ARID1B: variants seen among roughly 807,000 people sequenced by gnomAD.
The protein encoded by ARID1B is AT-rich interactive domain-containing protein 1B.
In ARID1B, 30 loss-of-function variants were observed where a neutral mutation model predicts 212.3. The ratio of observed to expected loss-of-function variants is 0.14; its 90% CI spans 0.11 to 0.19. ARID1B has a LOEUF of 0.19. Ranked by LOEUF, ARID1B falls within the 10% of genes least tolerant of loss-of-function variation. ARID1B has a pLI of 1.00. For missense variants in ARID1B, 2,891 were observed against 3,204.0 expected (o/e 0.90, Z 2.36); for synonymous variants, 1,402 against 1,301.7 (o/e 1.08, Z -1.66).
chr6:157,064,441 T>C (rs1364076252), intron 4 of ARID1B, among the ~76,000 whole-genome samples: 2 of 152,238 alleles, frequency 1.3e-5, no homozygotes, highest in African/African-American at 2.4e-5. Flanking sequence ...TTTATGATGA[T>C]ACGGAAACAT....
intron 7 of ARID1B, among the ~76,000 whole-genome samples, chr6:157,146,237 A>G (rs553589928): frequency 1.3e-5 from 2 of 152,348 alleles, no homozygotes; most frequent in East Asian, 3.9e-4. Context: ...AGTGGCACCA[A>G]CAATTTTGAT....
chr6:157,170,188 A>G (rs1421355382), intron 9 of ARID1B: 2 of 152,230 alleles, frequency 1.3e-5, no homozygotes, highest in Non-Finnish European at 2.9e-5. Flanking sequence ...AGAAGCGCCA[A>G]TGTGGAGGTA....
In ARID1B at chr6:157,209,245, A is replaced by G. The variant is rs1376310495; in HGVS notation, c.*1354A>G. 1.3e-5 allele frequency: 3 copies of G among 231,946 alleles called. No individual in the cohort carries two copies. Among genetic ancestry groups the G allele is most frequent in the Admixed American group, 1.1e-4 (2 of 17,730 alleles). The allele number at this position is 231,946 out of a possible 1,614,324, so 14.4% of individuals were successfully genotyped here. ...TTCCACATGTTAAGAATAAATGTAC[A>G]TTAAATCTTGTTAAGCACTGTGATG... is the stretch of plus-strand genomic sequence containing the variant. On this transcript the variant is annotated 3_prime_UTR_variant, in exon 20 of 20. Coordinates refer to ENST00000636930, the MANE Select transcript of ARID1B (RefSeq NM_001374828.1).
At chr6:157,176,771 G>T (rs779985367) in intron 11 of ARID1B, among the ~76,000 whole-genome samples, 28 of 152,240 alleles carry the variant, frequency 1.8e-4, no homozygotes, top group South Asian at 8.3e-4. Context: ...ACTTGAACCC[G>T]AGAGGCGGAG....
chr6:156,859,820 C>T (rs1432412161), intron 2 of ARID1B, among the ~76,000 whole-genome samples: 1 of 152,218 alleles, frequency 6.6e-6, no homozygotes, highest in Non-Finnish European at 1.5e-5. Context: ...TTGGAGAGGG[C>T]ACAGAAAGAC....
At chr6:157,105,544 G>A (rs1051041823) in intron 5 of ARID1B, among the ~76,000 whole-genome samples, 1 of 152,116 alleles carries the variant, frequency 6.6e-6, no homozygotes, top group Admixed American at 6.5e-5. Flanking sequence ...TATTAAAATG[G>A]CCCTAAAATC....
intron 3 of ARID1B, among the ~76,000 whole-genome samples, chr6:156,911,983 A>C (rs1368831568): frequency 6.6e-6 from 1 of 152,280 alleles, no homozygotes; most frequent in Non-Finnish European, 1.5e-5. Context: ...ATAAATTTGT[A>C]AATAAAATAC....
chr6:156,958,219 A>G (rs756799972), intron 4 of ARID1B, among the ~76,000 whole-genome samples: 3 of 152,166 alleles, frequency 2.0e-5, no homozygotes, highest in Non-Finnish European at 4.4e-5. Flanking sequence ...GTTTTCTCCT[A>G]GTCACAGCTC....
intron 2 of ARID1B, among the ~76,000 whole-genome samples, chr6:156,880,714 T>TGGGCCAC (rs1296095059): frequency 8.5e-6 from 1 of 117,062 alleles, no homozygotes; most frequent in Non-Finnish European, 1.6e-5. Flanking sequence ...CACTCCAGCC[T>TGGGCCAC]GGGCCACGGA....
intron 18 of ARID1B, among the ~76,000 whole-genome samples, chr6:157,202,955 T>C (rs1211569871): frequency 6.6e-6 from 1 of 152,206 alleles, no homozygotes; most frequent in African/African-American, 2.4e-5. Flanking sequence ...CAGTGCGGGT[T>C]ATATAGCATT....
chr6:157,181,033 C>T lies in ARID1B; in HGVS notation c.3569C>T (p.Pro1190Leu), dbSNP rs746278639. 9 of 1,614,016 alleles carry T rather than the reference C, an allele frequency of 5.6e-6. No homozygotes were observed. The highest frequency in any genetic ancestry group is 5.9e-6 in the Non-Finnish European group (7 of 1,180,046). ...AAGGTGTACGAGCTGGGGAATGAGC[C>T]AGAGAGAAAGCTCTGGGTCGACCGA... The part of the protein sequence containing the change: ...ITKVYELGNE[P>L]ERKLWVDRYL... Residue 1190 changes from proline (P) to leucine (L), a missense_variant, in exon 12 of 20, where the codon CCA becomes CTA. Physicochemically the swap from Pro to Leu is moderately conservative, Grantham distance 98 (BLOSUM62 -3). This residue lies in a region of ARID1B where 666 missense variants were observed against 873.5 expected (regional missense o/e 0.76). Coordinates refer to ENST00000636930, the MANE Select transcript of ARID1B (RefSeq NM_001374828.1).
chr6:157,166,931 G>A lies in ARID1B; in HGVS notation c.3090-109G>A, dbSNP rs528746530. 1.6e-4 allele frequency: 226 copies of A among 1,431,330 alleles called. 1 individual carries two copies. The African/African-American group carries it at 2.8e-3, about 18-fold the overall frequency. 88.7% of individuals were successfully genotyped at this position (1,431,330 alleles called of 1,614,324 possible). A position where few individuals can be genotyped will look rare whatever the true frequency, so the allele number is the denominator to read the frequency against. On this transcript the variant is annotated intron_variant, in intron 8 of 19. Transcript: ENST00000636930. ...AATCTGTTTTACACAAACATGAAAA[G>A]TTATAGCCCCACCCCTTACATAAAT...
chr6:156,839,335 C>T (rs1783731826), intron 2 of ARID1B, among the ~76,000 whole-genome samples: 2 of 152,194 alleles, frequency 1.3e-5, no homozygotes, highest in Admixed American at 6.5e-5. Context: ...AGCGTGCTGG[C>T]TCAGATCTCT....
At chr6:157,198,558 C>G (rs1055153692) in intron 16 of ARID1B, 1 of 478,102 alleles carries the variant, frequency 2.1e-6, no homozygotes, top group Non-Finnish European at 3.8e-6. Context: ...CCTGCTCAAC[C>G]GGTATTCCTC....
At chr6:156,855,784 A>G (rs774081766) in intron 2 of ARID1B, among the ~76,000 whole-genome samples, 3 of 152,160 alleles carry the variant, frequency 2.0e-5, no homozygotes, top group Non-Finnish European at 4.4e-5. Context: ...AGATGGGAAT[A>G]TGGAATTCAG....
chr6:157,078,239 A>G (rs1784427813), intron 4 of ARID1B, among the ~76,000 whole-genome samples: 1 of 152,176 alleles, frequency 6.6e-6, no homozygotes, highest in Non-Finnish European at 1.5e-5. Flanking sequence ...GCCCTTGATC[A>G]GTGGTGGTAT....
intron 4 of ARID1B, among the ~76,000 whole-genome samples, chr6:156,945,161 T>C (rs1793000778): frequency 7.0e-6 from 1 of 143,110 alleles, no homozygotes; most frequent in Non-Finnish European, 1.5e-5. Flanking sequence ...GGTCTTGATC[T>C]CCTGACCTTG....
At chr6:156,896,777 G>C (rs986684669) in intron 2 of ARID1B, among the ~76,000 whole-genome samples, 1 of 152,038 alleles carries the variant, frequency 6.6e-6, no homozygotes, top group Non-Finnish European at 1.5e-5. Context: ...TACTCGGGAG[G>C]CTGAAGCAGG....
chr6:156,861,931 C>G (rs1279467650), intron 2 of ARID1B, among the ~76,000 whole-genome samples: 1 of 152,106 alleles, frequency 6.6e-6, no homozygotes, highest in Non-Finnish European at 1.5e-5. Flanking sequence ...ACCCAAAGGG[C>G]ATTTGTGAGT....
Sources: gnomAD v4.1 joint callset for allele counts (sites outside exome capture counted in the v4.1 genomes callset) on GRCh38, gnomAD v4.1.1 for gene constraint, gnomAD v4.1.1 regional missense constraint, MANE v1.5 for transcripts, NCBI Gene and HGNC (gene_info 2026-07-23, HGNC 2026-07-21) for gene names.